FRMD3: variants seen among roughly 807,000 people sequenced by gnomAD.
The protein encoded by FRMD3 is FERM domain-containing protein 3.
In FRMD3, 33 loss-of-function variants were observed where a neutral mutation model predicts 70.2. The observed-to-expected ratio is 0.47, with a 90% CI of 0.36 to 0.63. The LOEUF (loss-of-function observed/expected upper bound fraction) is 0.63. Among genes scored for constraint, FRMD3 ranks in the 20% least tolerant of loss-of-function variants. FRMD3 has a pLI of 0.00. For synonymous variants in FRMD3, 279 were observed against 255.9 expected (o/e 1.09, Z -0.86); for missense variants, 632 against 711.4 (o/e 0.89, Z 1.27).
chr9:83,375,940 G>A (rs183504487), intron 2 of FRMD3, among the ~76,000 whole-genome samples: 269 of 152,098 alleles, frequency 1.8e-3, no homozygotes, highest in Admixed American at 3.5e-3. Flanking sequence ...TGGGTGGACC[G>A]CCTGAGGTCA....
chr9:83,463,393 A>G (rs528680960), intron 1 of FRMD3, among the ~76,000 whole-genome samples: 1 of 152,310 alleles, frequency 6.6e-6, no homozygotes, highest in South Asian at 2.1e-4. Flanking sequence ...GGCCTCAGGA[A>G]ACTTATAATC....
At chr9:83,516,404 T>A (rs1421846404) in intron 1 of FRMD3, among the ~76,000 whole-genome samples, 1 of 152,032 alleles carries the variant, frequency 6.6e-6, no homozygotes, top group African/African-American at 2.4e-5. Flanking sequence ...AAGGGATCAA[T>A]GCAACAAGAA....
At chr9:83,373,009 C>T (rs1458495187) in intron 2 of FRMD3, 54 bp from the exon 3 acceptor site, 2 of 1,411,096 alleles carry the variant, frequency 1.4e-6, no homozygotes, top group Non-Finnish European at 1.0e-6. Context: ...CTGGACCATA[C>T]AACGAATACC....
intron 1 of FRMD3, among the ~76,000 whole-genome samples, chr9:83,426,313 T>C (rs1362951304): frequency 6.6e-6 from 1 of 152,258 alleles, no homozygotes; most frequent in African/African-American, 2.4e-5. Flanking sequence ...CTGTCTGGAT[T>C]GTTCCAGTCA....
At chr9:83,548,860 A>T in the FRMD3 span, among the ~76,000 whole-genome samples, 1 of 152,102 alleles carries the variant, frequency 6.6e-6, no homozygotes, top group African/African-American at 2.4e-5. Context: ...ATTCTGCACA[A>T]TTTTTCTGTA....
intron 3 of FRMD3, among the ~76,000 whole-genome samples, chr9:83,372,208 A>G (rs947419049): frequency 6.6e-6 from 1 of 152,110 alleles, no homozygotes; most frequent in Non-Finnish European, 1.5e-5. Flanking sequence ...CAGGTTGGCT[A>G]CAGCCTGGCA....
At chr9:83,455,380 G>C (rs1827788761) in intron 1 of FRMD3, among the ~76,000 whole-genome samples, 1 of 152,178 alleles carries the variant, frequency 6.6e-6, no homozygotes, top group Admixed American at 6.5e-5. Flanking sequence ...CCCAGGGGGA[G>C]GTAATTGAAT....
Position 83,246,368 on chromosome 9 carries a change from T to C in FRMD3, c.*1550A>G. The C allele has an allele frequency of 1.0e-6, 1 of 983,166 alleles. No individual in the cohort carries two copies. Among genetic ancestry groups the C allele is most frequent in the Non-Finnish European group, 1.2e-6 (1 of 827,922 alleles). The allele number at this position is 983,166 out of a possible 1,614,324, so 60.9% of individuals were successfully genotyped here. A position where few individuals can be genotyped will look rare whatever the true frequency, so the allele number is the denominator to read the frequency against. The stretch of plus-strand genomic sequence containing the variant: ...CATCAGTACGTTGCTGATGGTACAA[T>C]GCTCTAGTACCTTCCTTGATACCAT... On this transcript the variant is annotated 3_prime_UTR_variant, in exon 14 of 14. Transcript: ENST00000304195.
chr9:83,245,085 G>A lies in FRMD3; in HGVS notation c.*2833C>T. The stretch of plus-strand genomic sequence containing the variant: ...TTTACCCACCATAGTATCTGAGAGG[G>A]AGAAGAACCAATAATACATCTCAAA... On this transcript the variant is annotated 3_prime_UTR_variant, in exon 14 of 14. Coordinates refer to ENST00000304195, the MANE Select transcript of FRMD3 (RefSeq NM_174938.6). The A allele has an allele frequency of 1.0e-6, 1 of 985,272 alleles. No individual in the cohort carries two copies. The highest frequency in any genetic ancestry group is 1.2e-6 in the Non-Finnish European group (1 of 829,878). 61.0% of individuals were successfully genotyped at this position (985,272 alleles called of 1,614,324 possible).
rs560780559 is a variant in FRMD3, at chr9:83,452,773, C to T, written c.148-63065G>A. 7.2e-5 allele frequency among the ~76,000 whole-genome samples: 11 copies of T among 152,046 alleles called. No individual in the cohort carries two copies. The South Asian group carries it at 1.2e-3, about 17-fold the overall frequency. The stretch of plus-strand genomic sequence containing the variant: ...CTAGGATTACAGGCGTGAGCCACCA[C>T]GCCCGGCCTACTTCTTAGATCTTTT... On this transcript the variant is annotated intron_variant, in intron 1 of 13. Transcript: ENST00000304195.
In FRMD3 at chr9:83,250,337, G is replaced by T. The variant is rs544986539; in HGVS notation, c.1196-1821C>A. Among the ~76,000 whole-genome samples, 6 of 152,316 alleles carry T rather than the reference G, an allele frequency of 3.9e-5. No individual in the cohort carries two copies. The East Asian group carries it at 9.7e-4, about 25-fold the overall frequency. On this transcript the variant is annotated intron_variant, in intron 13 of 13. Transcript: ENST00000304195. ...TGAGCCCAGGCCACCAGGGCCTTGG[G>T]TCTGATACACAGAGCTGTGTGGAGT...
chr9:83,528,086 G>C (rs1829721021), intron 1 of FRMD3, among the ~76,000 whole-genome samples: 1 of 152,188 alleles, frequency 6.6e-6, no homozygotes, highest in Non-Finnish European at 1.5e-5. Flanking sequence ...TAATGGGCCT[G>C]ATTCAAATGG....
chr9:83,484,356 G>T (rs1050847078), intron 1 of FRMD3, among the ~76,000 whole-genome samples: 7 of 152,370 alleles, frequency 4.6e-5, no homozygotes, highest in African/African-American at 1.7e-4. Flanking sequence ...TGTGGCAAGA[G>T]CCGGGGAAGA....
intron 1 of FRMD3, among the ~76,000 whole-genome samples, chr9:83,436,735 ATACAT>A (rs1827145162): frequency 6.6e-6 from 1 of 151,500 alleles, no homozygotes; most frequent in Non-Finnish European, 1.5e-5. Flanking sequence ...ATTTAAAGAT[ATACAT>A]TTTTACTCTG....
At position 83,244,801 on chromosome 9, in the gene FRMD3, TTG is replaced by T; in HGVS notation, c.*3115_*3116del. 1 of 985,220 alleles carries T rather than the reference TTG, an allele frequency of 1.0e-6. No homozygotes were observed. The highest frequency in any genetic ancestry group is 1.1e-4 in the East Asian group (1 of 8,816). 61.0% of individuals were successfully genotyped at this position (985,220 alleles called of 1,614,324 possible). ...AAACTCATTGTGAATTCACCCCGAGTTGTGTTTATAAATATTAGACAAACCAC... is the reference window on the plus strand; with the variant it reads ...AAACTCATTGTGAATTCACCCCGAGTTGTTTATAAATATTAGACAAACCAC... On this transcript the variant is annotated 3_prime_UTR_variant, in exon 14 of 14. Coordinates refer to ENST00000304195, the MANE Select transcript of FRMD3 (RefSeq NM_174938.6).
chr9:83,431,108 C>T (rs1826963025), intron 1 of FRMD3, among the ~76,000 whole-genome samples: 1 of 152,226 alleles, frequency 6.6e-6, no homozygotes, highest in Admixed American at 6.5e-5. Flanking sequence ...CTTTATTGAA[C>T]TCATGGAAGG....
intron 1 of FRMD3, among the ~76,000 whole-genome samples, chr9:83,497,785 C>A (rs1828973843): frequency 6.6e-6 from 1 of 152,204 alleles, no homozygotes; most frequent in Non-Finnish European, 1.5e-5. Context: ...GCCTGGAGAA[C>A]AACTGCTCTT....
rs1157124292 is a variant in FRMD3, at chr9:83,442,963, T to A, written c.148-53255A>T. 2.0e-5 allele frequency among the ~76,000 whole-genome samples: 3 copies of A among 152,222 alleles called. No homozygotes were observed. In the East Asian group the frequency reaches 5.8e-4, roughly 29 times the overall value. On this transcript the variant is annotated intron_variant, in intron 1 of 13. Transcript: ENST00000304195. ...TTATGTCTTATGTTCATACTAAACT[T>A]TTCATTAATCTATGGAGATATGAAT... is the stretch of plus-strand genomic sequence containing the variant.
chr9:83,435,644 T>A (rs1285441418), intron 1 of FRMD3, among the ~76,000 whole-genome samples: 1 of 152,092 alleles, frequency 6.6e-6, no homozygotes, highest in Non-Finnish European at 1.5e-5. Flanking sequence ...TTGATTGTAA[T>A]GAAAGAACCT....
Sources: allele counts gnomAD v4.1 joint callset (sites outside exome capture counted in the v4.1 genomes callset), GRCh38; gene constraint gnomAD v4.1.1; transcripts MANE v1.5; gene names NCBI Gene and HGNC (gene_info 2026-07-23, HGNC 2026-07-21).